Variants in SYT17 observed in about 807,000 individuals in gnomAD.
SYT17 encodes synaptotagmin 17.
SYT17 carries 22 observed loss-of-function variants against 46.7 expected under a neutral mutation model. That is an observed-to-expected ratio of 0.47 (90% CI 0.34 to 0.67). SYT17 has a LOEUF of 0.67. Ranked by LOEUF, SYT17 falls within the 30% of genes least tolerant of loss-of-function variation. The pLI is 0.01. For missense variants in SYT17, 519 were observed against 612.8 expected (o/e 0.85, Z 1.62); for synonymous variants, 251 against 248.4 (o/e 1.01, Z -0.10).
rs907162298 is a variant in SYT17, at chr16:19,220,575, A to G, written c.952-2470A>G. Among the ~76,000 whole-genome samples the G allele has an allele frequency of 2.0e-5, 3 of 152,166 alleles. No homozygotes were observed. The South Asian group carries it at 6.2e-4, about 31-fold the overall frequency. On this transcript the variant is annotated intron_variant, in intron 5 of 7. Transcript: ENST00000355377. ...TGGCCTCCCAAAGTGCTGGGGTTACAGGCATGAGCCACTGCACCTGGTCCT... is the reference window on the plus strand; with the variant it reads ...TGGCCTCCCAAAGTGCTGGGGTTACGGGCATGAGCCACTGCACCTGGTCCT...
At chr16:19,204,579 AC>A (rs1965594758) in intron 5 of SYT17, among the ~76,000 whole-genome samples, 1 of 151,742 alleles carries the variant, frequency 6.6e-6, no homozygotes, top group African/African-American at 2.4e-5. Flanking sequence ...GAGGATGAGC[AC>A]CCCTGAGGAG....
At chr16:19,227,141 C>A (rs1262595472) in intron 7 of SYT17, among the ~76,000 whole-genome samples, 1 of 152,170 alleles carries the variant, frequency 6.6e-6, no homozygotes, top group Non-Finnish European at 1.5e-5. Flanking sequence ...GATCAATAAA[C>A]ACACGGTGCT....
At chr16:19,194,069 C>T (rs541250673) in intron 5 of SYT17, among the ~76,000 whole-genome samples, 1 of 152,288 alleles carries the variant, frequency 6.6e-6, no homozygotes, top group African/African-American at 2.4e-5. Context: ...CTTCTCCCTG[C>T]TTGCCATCTC....
intron 3 of SYT17, among the ~76,000 whole-genome samples, chr16:19,177,719 C>T (rs552249695): frequency 6.6e-6 from 1 of 152,242 alleles, no homozygotes; most frequent in South Asian, 2.1e-4. Context: ...CCTGTGGGCC[C>T]CCAACTTTTC....
intron 3 of SYT17, chr16:19,180,138 G>C (rs1964487814): frequency 2.2e-6 from 1 of 444,744 alleles, no homozygotes; most frequent in Non-Finnish European, 4.1e-6. Context: ...CCCAACCCCA[G>C]CTTTGAAATT....
At chr16:19,250,877 T>C (rs1968011053) in intron 7 of SYT17, among the ~76,000 whole-genome samples, 1 of 152,184 alleles carries the variant, frequency 6.6e-6, no homozygotes, top group African/African-American at 2.4e-5. Context: ...CCATGTCAGT[T>C]ACTTCCCCCT....
At chr16:19,211,274 G>T (rs1222177958) in intron 5 of SYT17, 10 of 554,848 alleles carry the variant, frequency 1.8e-5, no homozygotes, top group Middle Eastern at 3.7e-4. Flanking sequence ...CTTCGATTCT[G>T]TGGGGGTTGG....
At chr16:19,252,860 G>C (rs777785014) in intron 7 of SYT17, among the ~76,000 whole-genome samples, 8 of 151,940 alleles carry the variant, frequency 5.3e-5, no homozygotes, top group African/African-American at 4.8e-5. Flanking sequence ...AGTCTAAAAA[G>C]CTCCCTAGGT....
chr16:19,255,421 C>T (rs1176553402), intron 7 of SYT17, among the ~76,000 whole-genome samples: 1 of 152,096 alleles, frequency 6.6e-6, no homozygotes, highest in Non-Finnish European at 1.5e-5. Flanking sequence ...AGCACCCCTC[C>T]CTCCAAGACA....
chr16:19,246,487 G>T (rs1385950234), intron 7 of SYT17, among the ~76,000 whole-genome samples: 1 of 152,114 alleles, frequency 6.6e-6, no homozygotes, highest in Admixed American at 6.6e-5. Flanking sequence ...TAAATGGGGA[G>T]AAATAAAACA....
intron 5 of SYT17, among the ~76,000 whole-genome samples, chr16:19,211,872 C>A (rs531491486): frequency 6.6e-6 from 1 of 152,004 alleles, no homozygotes; most frequent in Non-Finnish European, 1.5e-5. Context: ...GTGATCCGCC[C>A]GCCTCAGCCT....
Position 19,268,215 on chromosome 16 carries a change from TTCTC to T in SYT17, c.*1149_*1152del, listed in dbSNP as rs926275917. 8 of 39,938 alleles carry T rather than the reference TTCTC, an allele frequency of 2.0e-4. No homozygotes were observed. The highest frequency in any genetic ancestry group is 4.4e-4 in the Non-Finnish European group (8 of 18,216). The allele number at this position is 39,938 out of a possible 1,614,324, so 2.5% of individuals were successfully genotyped here. ...AGAATAGATCTCTCTCTCTCTCTCTTTCTCTCTCTCTCTTTCCTCTCTCTCTGTT... is the reference window on the plus strand; with the variant it reads ...AGAATAGATCTCTCTCTCTCTCTCTTTCTCTCTCTTTCCTCTCTCTCTGTT... On this transcript the variant is annotated 3_prime_UTR_variant, in exon 8 of 8. Coordinates refer to ENST00000355377, the MANE Select transcript of SYT17 (RefSeq NM_016524.4).
rs530990253 is a variant in SYT17, at chr16:19,242,528, A to G, written c.1228+17690A>G. Reference sequence around the variant, plus strand: ...TTAGATGATACATTTTTTTTTAATTAAAAAAATTTTTTTTGAGATGGGGTC... The same window carrying G: ...TTAGATGATACATTTTTTTTTAATTGAAAAAATTTTTTTTGAGATGGGGTC... On this transcript the variant is annotated intron_variant, in intron 7 of 7. Transcript: ENST00000355377. 3.2e-5 allele frequency among the ~76,000 whole-genome samples: 4 copies of G among 125,676 alleles called. No individual in the cohort carries two copies. In the East Asian group the frequency reaches 8.1e-4, roughly 25 times the overall value. 82.4% of individuals were successfully genotyped at this position (125,676 alleles called of 152,430 possible). A position where few individuals can be genotyped will look rare whatever the true frequency, so the allele number is the denominator to read the frequency against.
chr16:19,218,963 G>T (rs989651897), intron 5 of SYT17, among the ~76,000 whole-genome samples: 13 of 151,676 alleles, frequency 8.6e-5, no homozygotes, highest in African/African-American at 2.9e-4. Flanking sequence ...TTCAAACCTC[G>T]CCTCTCAGAG....
intron 7 of SYT17, among the ~76,000 whole-genome samples, chr16:19,238,725 T>A (rs892628691): frequency 1.3e-5 from 2 of 151,952 alleles, no homozygotes; most frequent in African/African-American, 4.8e-5. Context: ...TCCAACCACA[T>A]ATGTGCCTGC....
intron 5 of SYT17, among the ~76,000 whole-genome samples, chr16:19,209,925 C>T (rs1965833425): frequency 6.6e-6 from 1 of 151,690 alleles, no homozygotes; most frequent in Non-Finnish European, 1.5e-5. Flanking sequence ...CAACAAAAAA[C>T]CCTAAGTATC....
intron 7 of SYT17, among the ~76,000 whole-genome samples, chr16:19,247,928 T>C (rs1967700393): frequency 6.6e-6 from 1 of 151,702 alleles, no homozygotes; most frequent in African/African-American, 2.4e-5. Context: ...GTCAAGAAAA[T>C]AAAAAGCCAA....
rs532095276 is a variant in SYT17, at chr16:19,194,017, G to C, written c.951+9870G>C. Among the ~76,000 whole-genome samples, 46 of 152,280 alleles carry C rather than the reference G, an allele frequency of 3.0e-4. No individual in the cohort carries two copies. In the South Asian group the frequency reaches 9.3e-3, roughly 31 times the overall value. On this transcript the variant is annotated intron_variant, in intron 5 of 7. Transcript: ENST00000355377. The stretch of plus-strand genomic sequence containing the variant: ...CTTTAGCGTTGCTACACTTTCTCTT[G>C]CCACCCTCAGGGCTCAGAATGCGGC...
intron 7 of SYT17, among the ~76,000 whole-genome samples, chr16:19,264,941 C>A (rs1969262167): frequency 6.6e-6 from 1 of 152,056 alleles, no homozygotes; most frequent in African/African-American, 2.4e-5. Context: ...GAACCCATAC[C>A]CATTTAGAAG....
Sources: allele counts gnomAD v4.1 joint callset (sites outside exome capture counted in the v4.1 genomes callset), GRCh38; gene constraint gnomAD v4.1.1; transcripts MANE v1.5; gene names NCBI Gene and HGNC (gene_info 2026-07-23, HGNC 2026-07-21).